Variants in GRIA1 observed in about 807,000 individuals in gnomAD.
GRIA1 encodes the protein glutamate ionotropic receptor AMPA type subunit 1.
Under a neutral mutation model 99.2 loss-of-function variants are expected in GRIA1, and 31 were observed. That is an observed-to-expected ratio of 0.31 (90% confidence interval 0.23 to 0.42). The LOEUF (loss-of-function observed/expected upper bound fraction) is 0.42, where lower values mean the gene tolerates loss of function less well. Among genes scored for constraint, GRIA1 ranks in the 10% least tolerant of loss-of-function variants. The probability of loss-of-function intolerance (pLI) is 1.00; values close to 1 mark genes in which losing one functional copy is unlikely to be tolerated. For missense variants in GRIA1, 782 were observed against 1,157.5 expected (o/e 0.68, Z 4.71); for synonymous variants, 438 against 432.4 (o/e 1.01, Z -0.16).
intron 2 of GRIA1, among the ~76,000 whole-genome samples, chr5:153,600,606 C>T (rs374305664): frequency 6.6e-6 from 1 of 151,978 alleles, no homozygotes; most frequent in Admixed American, 6.6e-5. Flanking sequence ...TGATCTCAAG[C>T]CTCAGAGTGA....
intron 2 of GRIA1, among the ~76,000 whole-genome samples, chr5:153,575,367 A>G (rs1488925212): frequency 1.3e-5 from 2 of 152,206 alleles, no homozygotes; most frequent in African/African-American, 4.8e-5. Context: ...AGTCTTATGT[A>G]GGGAAATGAA....
chr5:153,602,759 G>A (rs1160512631), intron 2 of GRIA1, among the ~76,000 whole-genome samples: 3 of 151,954 alleles, frequency 2.0e-5, no homozygotes, highest in African/African-American at 7.2e-5. Context: ...GGAGGAAGGG[G>A]AACAGACTCT....
rs530055621 is a variant in GRIA1 at position 153,494,384 on chromosome 5, G to A, written c.220+319G>A. 2.3e-4 allele frequency: 64 copies of A among 283,860 alleles called. No individual in the cohort carries two copies. The Middle Eastern group carries it at 3.3e-3, about 15-fold the overall frequency. 17.6% of individuals were successfully genotyped at this position (283,860 alleles called of 1,614,324 possible). A position where few individuals can be genotyped will look rare whatever the true frequency, so the allele number is the denominator to read the frequency against. On this transcript the variant is annotated intron_variant, in intron 2 of 15. Coordinates refer to ENST00000285900, the MANE Select transcript of GRIA1 (RefSeq NM_000827.4). Reference sequence around the variant, plus strand: ...ACAGCTGAGAGAGTTTTACACATACGAATCTTCTGAGAGGCATAGAATTAA... The same window carrying A: ...ACAGCTGAGAGAGTTTTACACATACAAATCTTCTGAGAGGCATAGAATTAA...
At chr5:153,608,786 T>C (rs538260574) in intron 2 of GRIA1, among the ~76,000 whole-genome samples, 5 of 152,244 alleles carry the variant, frequency 3.3e-5, no homozygotes, top group Non-Finnish European at 7.3e-5. Context: ...CTTATCTTCC[T>C]GTATAACAGT....
Position 153,639,584 on chromosome 5 carries a change from G to T in GRIA1, c.221-7344G>T, listed in dbSNP as rs141416928. Among the ~76,000 whole-genome samples the T allele has an allele frequency of 6.1e-3, 933 of 152,260 alleles. 11 individuals carry two copies. The highest frequency in any genetic ancestry group is 0.024 in the Middle Eastern group (7 of 294). ...TGACCATCCTGTCTAAAATAGTCCT[G>T]CCAGTCACTCTCACATCATCCCATT... On this transcript the variant is annotated intron_variant, in intron 2 of 15. Transcript: ENST00000285900.
At position 153,753,699 on chromosome 5, in the gene GRIA1, G is replaced by GAAAA. The variant is rs570394934; in HGVS notation, c.1824-10724_1824-10721dup. Among the ~76,000 whole-genome samples the GAAAA allele has an allele frequency of 1.9e-3, 282 of 145,336 alleles. 2 individuals carry two copies. The highest frequency in any genetic ancestry group is 0.012 in the East Asian group (57 of 4,934). Reference sequence around the variant, plus strand: ...ACATAAGTTATAGCCAATTCTGCAGGAAAAAAAAAAAAAATCCTCAAATAC... The same window carrying GAAAA: ...ACATAAGTTATAGCCAATTCTGCAGGAAAAAAAAAAAAAAAAAATCCTCAAATAC... On this transcript the variant is annotated intron_variant, in intron 11 of 15. Coordinates refer to ENST00000285900, the MANE Select transcript of GRIA1 (RefSeq NM_000827.4).
At chr5:153,715,450 C>T (rs1007056247) in intron 11 of GRIA1, among the ~76,000 whole-genome samples, 2 of 151,980 alleles carry the variant, frequency 1.3e-5, no homozygotes, top group African/African-American at 2.4e-5. Context: ...GCAGCAGGGC[C>T]GGCTGGGATT....
chr5:153,561,904 T>TA (rs1332322328), intron 2 of GRIA1, among the ~76,000 whole-genome samples: 3 of 152,206 alleles, frequency 2.0e-5, no homozygotes, highest in African/African-American at 7.2e-5. Flanking sequence ...GGAGACTGTG[T>TA]ATGTGGGAAT....
In GRIA1 at chr5:153,811,477, G is replaced by T; in HGVS notation, c.*252G>T. 2.2e-6 allele frequency: 1 copy of T among 447,084 alleles called. No homozygotes were observed. Among genetic ancestry groups the T allele is most frequent in the Non-Finnish European group, 4.1e-6 (1 of 241,160 alleles). 27.7% of individuals were successfully genotyped at this position (447,084 alleles called of 1,614,324 possible). A position where few individuals can be genotyped will look rare whatever the true frequency, so the allele number is the denominator to read the frequency against. ...AAAAAATAACACTGTACTGCAATAA[G>T]GGGAGAGTAACCCTGTCTAATGAAA... On this transcript the variant is annotated 3_prime_UTR_variant, in exon 16 of 16. Transcript: ENST00000285900.
At chr5:153,526,357 TA>T (rs1757596205) in intron 2 of GRIA1, among the ~76,000 whole-genome samples, 1 of 152,212 alleles carries the variant, frequency 6.6e-6, no homozygotes, top group South Asian at 2.1e-4. Context: ...GCCAATATAG[TA>T]AAGCAAAATG....
intron 14 of GRIA1, among the ~76,000 whole-genome samples, chr5:153,796,021 T>TG (rs1345436295): frequency 6.6e-6 from 1 of 150,644 alleles, no homozygotes; most frequent in Admixed American, 6.6e-5. Flanking sequence ...AACTTTTTTT[T>TG]TTTTTTTTGG....
rs188180606 is a variant in GRIA1, at chr5:153,491,305, G to T, written c.82+335G>T. On this transcript the variant is annotated intron_variant, in intron 1 of 15. Transcript: ENST00000285900. Reference sequence around the variant, plus strand: ...TTTAAGGAGTTAACTCTATTGCTTGGTAGATGGTGCTTGATTCCATTTTTA... The same window carrying T: ...TTTAAGGAGTTAACTCTATTGCTTGTTAGATGGTGCTTGATTCCATTTTTA... 6.0e-4 allele frequency: 728 copies of T among 1,222,186 alleles called. 2 individuals carry two copies. Among genetic ancestry groups the T allele is most frequent in the Admixed American group, 3.0e-3 (75 of 25,288 alleles). The allele number at this position is 1,222,186 out of a possible 1,614,324, so 75.7% of individuals were successfully genotyped here.
At chr5:153,810,144 A>T (rs1476377810) in intron 15 of GRIA1, among the ~76,000 whole-genome samples, 1 of 152,178 alleles carries the variant, frequency 6.6e-6, no homozygotes, top group East Asian at 1.9e-4. Flanking sequence ...CACTTAACTC[A>T]TCTGATTCTG....
intron 9 of GRIA1, 64 bp downstream of exon 9, chr5:153,698,218 C>A: frequency 1.1e-6 from 1 of 875,820 alleles, no homozygotes; most frequent in Non-Finnish European, 1.9e-6. Flanking sequence ...AAGGGTTTTC[C>A]ACCAGGACTG....
intron 11 of GRIA1, among the ~76,000 whole-genome samples, chr5:153,719,503 C>T (rs921929363): frequency 1.3e-5 from 2 of 151,892 alleles, no homozygotes; most frequent in Admixed American, 6.6e-5. Context: ...GTCTGGCAGC[C>T]GAGGCTTTTG....
intron 1 of GRIA1, among the ~76,000 whole-genome samples, chr5:153,491,721 T>A (rs1180064229): frequency 6.6e-6 from 1 of 152,088 alleles, no homozygotes. Context: ...CACGTACACA[T>A]GCTCCTTTCT....
At chr5:153,490,619 G>T, upstream of GRIA1, 1 of 515,586 alleles carries the variant, frequency 1.9e-6, no homozygotes, top group Non-Finnish European at 3.5e-6. Context: ...AGAGGGAGTG[G>T]GGGAGCCAGC....
At chr5:153,612,409 A>G (rs1339173182) in intron 2 of GRIA1, among the ~76,000 whole-genome samples, 1 of 152,266 alleles carries the variant, frequency 6.6e-6, no homozygotes, top group Non-Finnish European at 1.5e-5. Context: ...AAATCTGCAC[A>G]TAAATTCCAG....
chr5:153,761,255 G>C (rs1319280275), intron 11 of GRIA1, among the ~76,000 whole-genome samples: 1 of 152,052 alleles, frequency 6.6e-6, no homozygotes, highest in East Asian at 1.9e-4. Flanking sequence ...GAATAGGGTA[G>C]AAATATTTGC....
Sources: allele counts gnomAD v4.1 joint callset (sites outside exome capture counted in the v4.1 genomes callset), GRCh38; gene constraint gnomAD v4.1.1; transcripts MANE v1.5; gene names NCBI Gene and HGNC (gene_info 2026-07-23, HGNC 2026-07-21).